Variants in MYT1L observed in about 807,000 individuals in gnomAD.
MYT1L encodes the protein myelin transcription factor 1 like.
MYT1L carries 12 observed loss-of-function variants against 126.7 expected under a neutral mutation model. That is an observed-to-expected ratio of 0.09 (90% CI 0.06 to 0.15). The LOEUF (loss-of-function observed/expected upper bound fraction) is 0.15. Among genes scored for constraint, MYT1L ranks in the 10% least tolerant of loss-of-function variants. The pLI is 1.00. For synonymous variants in MYT1L, 541 were observed against 604.2 expected (o/e 0.90, Z 1.53); for missense variants, 979 against 1,585.2 (o/e 0.62, Z 6.49).
In MYT1L at chr2:1,979,633, G is replaced by A; in HGVS notation, c.56-79C>T. On this transcript the variant is annotated intron_variant, in intron 6 of 24. Transcript: ENST00000647738. This position sits in a 1 kb window ranked among gnomAD's most constrained non-coding sequence, Gnocchi z 4.0. ...TTCCACAGAAAATTACCAAAAGGGT[G>A]GCATGAAAGTGGGGTCAGAATCGAC... The A allele has an allele frequency of 1.3e-6, 2 of 1,599,116 alleles. No homozygotes were observed. Among genetic ancestry groups the A allele is most frequent in the Non-Finnish European group, 1.7e-6 (2 of 1,166,536 alleles).
chr2:2,101,421 T>C (rs993120255), intron 3 of MYT1L, among the ~76,000 whole-genome samples: 1 of 152,132 alleles, frequency 6.6e-6, no homozygotes, highest in African/African-American at 2.4e-5. Context: ...AGCTGTGAGT[T>C]ACTTCAGGCA....
At chr2:1,809,420 G>C (rs1045103543) in intron 21 of MYT1L, among the ~76,000 whole-genome samples, 68 of 113,736 alleles carry the variant, frequency 6.0e-4, no homozygotes, top group African/African-American at 1.8e-3. Context: ...CTCTTGGCGG[G>C]GGGTCTTGGG....
At chr2:1,808,943 A>G (rs1340103931) in intron 22 of MYT1L, 133 bp downstream of exon 22, 13 of 765,562 alleles carry the variant, frequency 1.7e-5, no homozygotes, top group Non-Finnish European at 2.2e-5. Flanking sequence ...TATAGATGAG[A>G]GGGCCAGAAT....
At position 1,922,905 on chromosome 2, in the gene MYT1L, G is replaced by A; in HGVS notation, c.864C>T (p.Ser288=). 1 of 1,614,018 alleles carries A rather than the reference G, an allele frequency of 6.2e-7. No homozygotes were observed. The highest frequency in any genetic ancestry group is 8.5e-7 in the Non-Finnish European group (1 of 1,179,902). ...TATTTCTACTGTCTTGCTGCGACAT[G>A]CTGTCTGCATAATTTCTGTCATTCA... ...ENMNDRNYAD[S]MSQQDSRNMN... Residue 288 remains serine (S), a synonymous_variant, in exon 10 of 25, where the codon AGC becomes AGT. Coordinates refer to ENST00000647738, the MANE Select transcript of MYT1L (RefSeq NM_001303052.2). This position sits in a 1 kb window ranked among gnomAD's most constrained non-coding sequence, Gnocchi z 7.4.
chr2:1,885,014 G>A (rs1203997850), intron 18 of MYT1L, among the ~76,000 whole-genome samples: 1 of 152,200 alleles, frequency 6.6e-6, no homozygotes, highest in Non-Finnish European at 1.5e-5. Context: ...CAAAGAAAAC[G>A]AATCCCTGCA....
At chr2:1,970,450 C>T (rs1558582382) in intron 8 of MYT1L, among the ~76,000 whole-genome samples, 1 of 152,214 alleles carries the variant, frequency 6.6e-6, no homozygotes. Flanking sequence ...CACCAGCCAT[C>T]CTTGCTTCTC....
At chr2:2,150,278 T>TA (rs377636699) in intron 3 of MYT1L, among the ~76,000 whole-genome samples, 24 of 152,232 alleles carry the variant, frequency 1.6e-4, no homozygotes, top group African/African-American at 3.9e-4. Context: ...TTCAAGAAGA[T>TA]AAAAAAAGCA....
chr2:1,890,350 G>A, intron 15 of MYT1L, among the ~76,000 whole-genome samples: 1 of 152,154 alleles, frequency 6.6e-6, no homozygotes, highest in East Asian at 1.9e-4. Context: ...TGAGATTACA[G>A]GTGTGAGCCA....
chr2:2,177,724 G>A (rs1001706561), intron 2 of MYT1L, among the ~76,000 whole-genome samples: 1 of 152,168 alleles, frequency 6.6e-6, no homozygotes, highest in Non-Finnish European at 1.5e-5. Context: ...CAGATCTTAT[G>A]AGAACTCACT....
At chr2:2,317,018 C>T (rs937775564) in intron 1 of MYT1L, among the ~76,000 whole-genome samples, 1 of 151,778 alleles carries the variant, frequency 6.6e-6, no homozygotes, top group Non-Finnish European at 1.5e-5. Context: ...GGAGTTTAAC[C>T]GTGTTAGCCA....
intron 3 of MYT1L, among the ~76,000 whole-genome samples, chr2:2,086,257 A>G (rs2076341176): frequency 1.3e-5 from 2 of 152,256 alleles, no homozygotes; most frequent in Admixed American, 1.3e-4. Flanking sequence ...AAAGATCAAC[A>G]TTGTGTCAAC....
Position 2,062,742 on chromosome 2 carries a change from G to A in MYT1L, c.-303-8619C>T, listed in dbSNP as rs545314633. ...AGAACTTCCCTGGAGGTCTGATGGC[G>A]TTTCTCCCTCGTCTTCTTACCTCTT... On this transcript the variant is annotated intron_variant, in intron 3 of 24. Coordinates refer to ENST00000647738, the MANE Select transcript of MYT1L (RefSeq NM_001303052.2). Among the ~76,000 whole-genome samples the A allele has an allele frequency of 1.3e-3, 194 of 151,542 alleles. 2 individuals are homozygous for A. Among genetic ancestry groups the A allele is most frequent in the Admixed American group, 5.6e-3 (85 of 15,302 alleles).
intron 5 of MYT1L, among the ~76,000 whole-genome samples, chr2:1,985,418 A>T (rs1246427099): frequency 2.0e-5 from 3 of 152,162 alleles, no homozygotes. Flanking sequence ...CTTCCTAGGA[A>T]TTACTCTTTC....
chr2:2,179,573 T>G (rs1035866739), intron 2 of MYT1L, among the ~76,000 whole-genome samples: 2 of 152,198 alleles, frequency 1.3e-5, no homozygotes, highest in Non-Finnish European at 2.9e-5. Context: ...AAAAGTTATT[T>G]CACACACAAA....
intron 1 of MYT1L, among the ~76,000 whole-genome samples, chr2:2,319,031 T>C (rs766880892): frequency 1.3e-5 from 2 of 152,236 alleles, no homozygotes; most frequent in Non-Finnish European, 2.9e-5. Flanking sequence ...TTGTCTGAAA[T>C]ACATGACCAG....
At chr2:2,175,727 G>C (rs2090668916) in intron 2 of MYT1L, among the ~76,000 whole-genome samples, 1 of 152,198 alleles carries the variant, frequency 6.6e-6, no homozygotes, top group Non-Finnish European at 1.5e-5. Context: ...CTGCTTTAAG[G>C]TTTTCTGTGT....
intron 19 of MYT1L, among the ~76,000 whole-genome samples, chr2:1,847,342 G>A (rs2042637727): frequency 1.3e-5 from 2 of 152,174 alleles, no homozygotes; most frequent in Admixed American, 6.5e-5. Context: ...GAGGCCACAG[G>A]GTGTTCTAGT....
rs193299801 is a variant in MYT1L at position 2,027,192 on chromosome 2, C to T, written c.-158+26786G>A. Among the ~76,000 whole-genome samples, 580 of 152,268 alleles carry T rather than the reference C, an allele frequency of 3.8e-3. 4 individuals carry two copies. Among genetic ancestry groups the T allele is most frequent in the African/African-American group, 0.013 (548 of 41,556 alleles). On this transcript the variant is annotated intron_variant, in intron 4 of 24. Coordinates refer to ENST00000647738, the MANE Select transcript of MYT1L (RefSeq NM_001303052.2). ...CTGCCTCATCTGGGAGATCCGAATCCGGATCCGGATCTGGAGCTGGCCAGA... is the reference window on the plus strand; with the variant it reads ...CTGCCTCATCTGGGAGATCCGAATCTGGATCCGGATCTGGAGCTGGCCAGA...
chr2:2,321,498 G>T (rs926561950), intron 1 of MYT1L, among the ~76,000 whole-genome samples: 1 of 152,192 alleles, frequency 6.6e-6, no homozygotes, highest in African/African-American at 2.4e-5. Flanking sequence ...CGAATTTAAA[G>T]TAAGCCCTTA....
Sources: allele counts gnomAD v4.1 joint callset (sites outside exome capture counted in the v4.1 genomes callset), GRCh38; gene constraint gnomAD v4.1.1; non-coding constraint Gnocchi (gnomAD v3.1); transcripts MANE v1.5; gene names NCBI Gene and HGNC (gene_info 2026-07-23, HGNC 2026-07-21).